DDX6: variants seen among roughly 807,000 people sequenced by gnomAD.
DDX6 encodes the protein probable ATP-dependent RNA helicase DDX6.
Under a neutral mutation model 60.6 loss-of-function variants are expected in DDX6, and 7 were observed. The ratio of observed to expected loss-of-function variants is 0.12; its 90% CI spans 0.07 to 0.22. The LOEUF (loss-of-function observed/expected upper bound fraction) is 0.22, where lower values mean the gene tolerates loss of function less well. Among genes scored for constraint, DDX6 ranks in the 10% least tolerant of loss-of-function variants. The pLI is 1.00. For synonymous variants in DDX6, 207 were observed against 201.0 expected (o/e 1.03, Z -0.25); for missense variants, 270 against 589.9 (o/e 0.46, Z 5.62).
At chr11:118,768,187 A>AT in intron 5 of DDX6, 36 bp downstream of exon 5, 1 of 1,598,066 alleles carries the variant, frequency 6.3e-7, no homozygotes, top group Non-Finnish European at 8.5e-7. Context: ...TGAAACTCCC[A>AT]TTTTTAGTTT....
chr11:118,759,061 T>G (rs575253652), intron 8 of DDX6, 159 bp from the exon 9 acceptor site: 6 of 971,578 alleles, frequency 6.2e-6, no homozygotes, highest in Non-Finnish European at 8.7e-6. Flanking sequence ...ATTACAGAAT[T>G]TCCCCCCTGC....
In DDX6 at chr11:118,748,599, TATTTC is replaced by T. The variant is rs1301621787; in HGVS notation, c.*3501_*3505del. The T allele has an allele frequency of 6.6e-6, 1 of 152,140 alleles. No homozygotes were observed. Among genetic ancestry groups the T allele is most frequent in the Non-Finnish European group, 1.5e-5 (1 of 68,028 alleles). The allele number at this position is 152,140 out of a possible 1,614,324, so 9.4% of individuals were successfully genotyped here. A position where few individuals can be genotyped will look rare whatever the true frequency, so the allele number is the denominator to read the frequency against. ...ATAAATGGCTTAATTTCCAAGAACT[TATTTC>T]ATTTTTTTGTTACTCATCTAGAAGG... On this transcript the variant is annotated 3_prime_UTR_variant, in exon 14 of 14. Coordinates refer to ENST00000534980, the MANE Select transcript of DDX6 (RefSeq NM_004397.6).
At chr11:118,768,379 T>C (rs1861424995) in intron 4 of DDX6, 27 bp from the exon 5 acceptor site, 2 of 1,609,468 alleles carry the variant, frequency 1.2e-6, no homozygotes. Flanking sequence ...AATACAAAAT[T>C]ACTTCTGAAT....
At chr11:118,788,461 GCT>G (rs1565582730) in intron 1 of DDX6, 1 of 152,074 alleles carries the variant, frequency 6.6e-6, no homozygotes, top group African/African-American at 2.4e-5. Context: ...GCAATGGCGC[GCT>G]CTCAGCTCAC....
In DDX6 at chr11:118,782,838, A is replaced by T. The variant is rs1861944356; in HGVS notation, c.201-1654T>A. ...TTTTGTATTTTTAGTAGAGACGGGG[A>T]TTCAGCTGGTCTCAAACTCCTGACC... On this transcript the variant is annotated intron_variant, in intron 2 of 13. Transcript: ENST00000534980. 2.6e-5 allele frequency among the ~76,000 whole-genome samples: 4 copies of T among 151,848 alleles called. No individual in the cohort carries two copies. In the South Asian group the frequency reaches 6.2e-4, roughly 24 times the overall value.
At chr11:118,788,464 C>G (rs930913521) in intron 1 of DDX6, 12 of 152,426 alleles carry the variant, frequency 7.9e-5, no homozygotes, top group African/African-American at 2.9e-4. Flanking sequence ...ATGGCGCGCT[C>G]TCAGCTCACT....
At chr11:118,774,352 A>T (rs1555163220) in intron 4 of DDX6, among the ~76,000 whole-genome samples, 2 of 152,010 alleles carry the variant, frequency 1.3e-5, no homozygotes, top group African/African-American at 4.8e-5. Flanking sequence ...CTGGTCACAG[A>T]TGGCTCTAGA....
intron 4 of DDX6, among the ~76,000 whole-genome samples, chr11:118,772,986 G>A (rs546104637): frequency 8.5e-5 from 13 of 152,156 alleles, no homozygotes; most frequent in Non-Finnish European, 1.8e-4. Flanking sequence ...AGCTTCCTAA[G>A]TCCTTCAGAG....
intron 6 of DDX6, among the ~76,000 whole-genome samples, chr11:118,763,811 G>A (rs1287643447): frequency 2.8e-5 from 4 of 141,272 alleles, no homozygotes; most frequent in African/African-American, 1.1e-4. Context: ...TCTAGCCAGA[G>A]CAACAGAGTA....
chr11:118,749,983 ATCTGTAGGATTTTGATC>A lies in DDX6; in HGVS notation c.*2105_*2121del, dbSNP rs1324904554. On this transcript the variant is annotated 3_prime_UTR_variant, in exon 14 of 14. Coordinates refer to ENST00000534980, the MANE Select transcript of DDX6 (RefSeq NM_004397.6). ...TTAGGGCTATGTCCCATCAGGAGGC[ATCTGTAGGATTTTGATC>A]TCCAAGGAATTGTGGGTGAGTCGCA... is the stretch of plus-strand genomic sequence containing the variant. The A allele has an allele frequency of 6.6e-6, 1 of 152,616 alleles. No homozygotes were observed. Among genetic ancestry groups the A allele is most frequent in the Non-Finnish European group, 1.5e-5 (1 of 68,052 alleles). The allele number at this position is 152,616 out of a possible 1,614,324, so 9.5% of individuals were successfully genotyped here. A position where few individuals can be genotyped will look rare whatever the true frequency, so the allele number is the denominator to read the frequency against.
intron 10 of DDX6, 28 bp downstream of exon 10, chr11:118,757,143 T>C (rs1555159135): frequency 1.8e-6 from 2 of 1,112,948 alleles, no homozygotes; most frequent in East Asian, 2.7e-5. Context: ...TCTTATTAAA[T>C]TTGTGCAAGT....
In DDX6 at chr11:118,758,914, G is replaced by A. The variant is rs893900803; in HGVS notation, c.865-12C>T. 1.4e-5 allele frequency: 22 copies of A among 1,612,230 alleles called. No homozygotes were observed. The highest frequency in any genetic ancestry group is 3.3e-5 in the Admixed American group (2 of 59,756). On this transcript the variant is annotated splice_polypyrimidine_tract_variant and intron_variant, in intron 8 of 13. Coordinates refer to ENST00000534980, the MANE Select transcript of DDX6 (RefSeq NM_004397.6). The stretch of plus-strand genomic sequence containing the variant: ...TGCAAATGGGAATTCTGGGGGGGGA[G>A]CGGGAAAAAGATGAGTCGTCGTCTT...
chr11:118,771,332 T>A (rs1555162525), intron 4 of DDX6, among the ~76,000 whole-genome samples: 1 of 152,206 alleles, frequency 6.6e-6, no homozygotes, highest in East Asian at 1.9e-4. Flanking sequence ...CTGACTTGAT[T>A]AAGGCCATTG....
intron 4 of DDX6, among the ~76,000 whole-genome samples, chr11:118,771,138 A>G (rs1262311368): frequency 6.6e-6 from 1 of 152,164 alleles, no homozygotes; most frequent in African/African-American, 2.4e-5. Flanking sequence ...TGTAGTTTTT[A>G]ACAGGCTGCC....
chr11:118,784,281 G>A (rs1862001304), intron 2 of DDX6, among the ~76,000 whole-genome samples: 1 of 151,910 alleles, frequency 6.6e-6, no homozygotes, highest in Non-Finnish European at 1.5e-5. Flanking sequence ...CTGAAAATTA[G>A]TTCTTAGAGG....
At chr11:118,771,890 G>A (rs1861546724) in intron 4 of DDX6, among the ~76,000 whole-genome samples, 1 of 152,132 alleles carries the variant, frequency 6.6e-6, no homozygotes, top group Non-Finnish European at 1.5e-5. Context: ...TTCCTCAAAA[G>A]GTTAAAAAGA....
At chr11:118,755,547 GTCTC>G (rs1387080990) in intron 11 of DDX6, 44 bp from the exon 12 acceptor site, 6 of 1,098,014 alleles carry the variant, frequency 5.5e-6, no homozygotes, top group Non-Finnish European at 8.3e-6. Flanking sequence ...ATTTAGAAAT[GTCTC>G]TCAGTACAAT....
intron 4 of DDX6, among the ~76,000 whole-genome samples, chr11:118,768,598 G>T (rs797030667): frequency 6.6e-6 from 1 of 152,126 alleles, no homozygotes; most frequent in Non-Finnish European, 1.5e-5. Context: ...AATGTCATAA[G>T]AACTGTGTTA....
rs144721646 is a variant in DDX6, at chr11:118,755,708, G to GC, written c.1175-206dup. Among the ~76,000 whole-genome samples the GC allele has an allele frequency of 3.1e-3, 475 of 152,138 alleles. 24 individuals carry two copies. The East Asian group carries it at 0.08, about 26-fold the overall frequency. ...AGTTACTTTTTTCCAGTAATTGTAA[G>GC]CAAGTTTTAAAAAATGTGTCTAAAA... On this transcript the variant is annotated intron_variant, in intron 11 of 13. Transcript: ENST00000534980.
Sources: gnomAD v4.1 joint callset for allele counts (sites outside exome capture counted in the v4.1 genomes callset) on GRCh38, gnomAD v4.1.1 for gene constraint, MANE v1.5 for transcripts, NCBI Gene and HGNC (gene_info 2026-07-23, HGNC 2026-07-21) for gene names.